UHRF2: variants seen among roughly 807,000 people sequenced by gnomAD.
The protein encoded by UHRF2 is E3 ubiquitin-protein ligase UHRF2.
Under a neutral mutation model 96.8 loss-of-function variants are expected in UHRF2, and 23 were observed. The observed-to-expected ratio is 0.24, with a 90% confidence interval of 0.17 to 0.34. The LOEUF is 0.34. Ranked by LOEUF, UHRF2 falls within the 10% of genes least tolerant of loss-of-function variation. The probability of loss-of-function intolerance (pLI) is 1.00; values close to 1 mark genes in which losing one functional copy is unlikely to be tolerated. For missense variants in UHRF2, 685 were observed against 981.5 expected (o/e 0.70, Z 4.04); for synonymous variants, 385 against 332.6 (o/e 1.16, Z -1.72).
At chr9:6,479,099 A>T (rs1184973594) in intron 6 of UHRF2, among the ~76,000 whole-genome samples, 1 of 152,078 alleles carries the variant, frequency 6.6e-6, no homozygotes, top group East Asian at 1.9e-4. Context: ...GAATTTTCAA[A>T]ATACACACAA....
At position 6,487,177 on chromosome 9, in the gene UHRF2, T is replaced by TA. The variant is rs371548870; in HGVS notation, c.1497+252_1497+253insA. ...CATTCTCTATAGAGCTTTTATTTTT[T>TA]TTTCCTTTTTTTTTTTTTTTTTTTT... On this transcript the variant is annotated intron_variant, in intron 9 of 15. Coordinates refer to ENST00000276893, the MANE Select transcript of UHRF2 (RefSeq NM_152896.3). Among the ~76,000 whole-genome samples, 255 of 144,450 alleles carry TA rather than the reference T, an allele frequency of 1.8e-3. 1 individual carries two copies. Among genetic ancestry groups the TA allele is most frequent in the African/African-American group, 6.4e-3 (242 of 37,844 alleles). 94.8% of individuals were successfully genotyped at this position (144,450 alleles called of 152,430 possible).
intron 3 of UHRF2, among the ~76,000 whole-genome samples, chr9:6,439,598 T>G (rs1821041880): frequency 6.6e-6 from 1 of 152,244 alleles, no homozygotes; most frequent in East Asian, 1.9e-4. Flanking sequence ...TAAGTTTTTT[T>G]TCTGGATTGC....
At chr9:6,495,060 A>G (rs1030539796) in intron 10 of UHRF2, 1 of 152,210 alleles carries the variant, frequency 6.6e-6, no homozygotes, top group Admixed American at 6.5e-5. Context: ...GTTTTTGTCA[A>G]TGAAAATGTA....
chr9:6,478,420 A>G (rs1823718447), intron 6 of UHRF2, among the ~76,000 whole-genome samples: 1 of 152,178 alleles, frequency 6.6e-6, no homozygotes, highest in African/African-American at 2.4e-5. Context: ...AGTACTTAAT[A>G]TTTACTAAAC....
intron 4 of UHRF2, among the ~76,000 whole-genome samples, chr9:6,463,100 G>C (rs935682991): frequency 5.9e-5 from 9 of 152,132 alleles, no homozygotes; most frequent in African/African-American, 2.2e-4. Flanking sequence ...TGACCAACTA[G>C]TGAAACCCTG....
At chr9:6,421,694 G>A (rs111251622) in intron 2 of UHRF2, among the ~76,000 whole-genome samples, 8 of 152,120 alleles carry the variant, frequency 5.3e-5, no homozygotes, top group African/African-American at 7.2e-5. Context: ...TGGAATTACC[G>A]GGGTGAGCCA....
rs372421813 is a variant in UHRF2, at chr9:6,451,478, T to G, written c.645-9095T>G. Among the ~76,000 whole-genome samples the G allele has an allele frequency of 4.7e-5, 6 of 128,682 alleles. No individual in the cohort carries two copies. The East Asian group carries it at 8.8e-4, about 19-fold the overall frequency. 84.4% of individuals were successfully genotyped at this position (128,682 alleles called of 152,430 possible). Reference sequence around the variant, plus strand: ...CTAGTTTTTTTTTGTTTTTTTTTTTTGTTTGTTTGTTTGTTTTTGAGACGG... The same window carrying G: ...CTAGTTTTTTTTTGTTTTTTTTTTTGGTTTGTTTGTTTGTTTTTGAGACGG... On this transcript the variant is annotated intron_variant, in intron 3 of 15. Coordinates refer to ENST00000276893, the MANE Select transcript of UHRF2 (RefSeq NM_152896.3).
intron 3 of UHRF2, among the ~76,000 whole-genome samples, chr9:6,446,100 C>T (rs950596548): frequency 1.9e-4 from 28 of 150,950 alleles, no homozygotes; most frequent in African/African-American, 6.3e-4. Context: ...TCAGGTGATC[C>T]TCCTGCCTTA....
intron 13 of UHRF2, among the ~76,000 whole-genome samples, chr9:6,500,144 CT>C (rs1404970867): frequency 6.6e-6 from 1 of 151,972 alleles, no homozygotes; most frequent in Non-Finnish European, 1.5e-5. Flanking sequence ...ATTTTTGTAT[CT>C]TTTGTAAAGA....
intron 9 of UHRF2, among the ~76,000 whole-genome samples, chr9:6,487,840 C>G (rs986332399): frequency 6.6e-6 from 1 of 152,146 alleles, no homozygotes; most frequent in African/African-American, 2.4e-5. Flanking sequence ...TTTAAGTTTT[C>G]TCTTTTAAAA....
At chr9:6,474,263 A>G (rs1456892382) in intron 4 of UHRF2, among the ~76,000 whole-genome samples, 1 of 152,232 alleles carries the variant, frequency 6.6e-6, no homozygotes, top group African/African-American at 2.4e-5. Flanking sequence ...GTTTTTAAAG[A>G]AAAGGTGGAA....
chr9:6,500,450 A>C, intron 13 of UHRF2, 102 bp from the exon 14 acceptor site: 1 of 1,006,188 alleles, frequency 9.9e-7, no homozygotes, highest in African/African-American at 1.6e-5. Flanking sequence ...TATGTTGGTT[A>C]TCTTTCTGCT....
chr9:6,466,217 A>G (rs1183668480), intron 4 of UHRF2, among the ~76,000 whole-genome samples: 2 of 152,132 alleles, frequency 1.3e-5, no homozygotes, highest in Non-Finnish European at 2.9e-5. Context: ...CCTGGCCAGC[A>G]GGGTGAAACC....
At chr9:6,489,237 C>T (rs1394481685) in intron 9 of UHRF2, among the ~76,000 whole-genome samples, 2 of 152,138 alleles carry the variant, frequency 1.3e-5, no homozygotes, top group South Asian at 4.1e-4. Context: ...TGGCATGTAT[C>T]AATAGTTCAT....
At chr9:6,486,261 A>T (rs1392374145) in intron 8 of UHRF2, among the ~76,000 whole-genome samples, 1 of 152,238 alleles carries the variant, frequency 6.6e-6, no homozygotes, top group Non-Finnish European at 1.5e-5. Context: ...GTGAGCATTC[A>T]TGACTCAAAC....
chr9:6,471,517 C>T (rs369804671), intron 4 of UHRF2, among the ~76,000 whole-genome samples: 2 of 152,166 alleles, frequency 1.3e-5, no homozygotes, highest in Non-Finnish European at 2.9e-5. Context: ...ATACCAGCTT[C>T]CATTTTGGGT....
chr9:6,435,800 G>A (rs1354695101), intron 3 of UHRF2, among the ~76,000 whole-genome samples: 1 of 151,946 alleles, frequency 6.6e-6, no homozygotes, highest in South Asian at 2.1e-4. Flanking sequence ...GTAGAGACAG[G>A]GTTTCACTAT....
chr9:6,435,954 T>G (rs1820823823), intron 3 of UHRF2, among the ~76,000 whole-genome samples: 1 of 152,306 alleles, frequency 6.6e-6, no homozygotes, highest in African/African-American at 2.4e-5. Flanking sequence ...ATTAAGAACT[T>G]GTCTTGAGGG....
intron 6 of UHRF2, among the ~76,000 whole-genome samples, chr9:6,480,050 C>A (rs1383532630): frequency 2.0e-5 from 3 of 152,178 alleles, no homozygotes; most frequent in Non-Finnish European, 4.4e-5. Context: ...TAAGCCCTTA[C>A]CATTTATGAC....
Sources: gnomAD v4.1 joint callset for allele counts (sites outside exome capture counted in the v4.1 genomes callset) on GRCh38, gnomAD v4.1.1 for gene constraint, MANE v1.5 for transcripts, NCBI Gene and HGNC (gene_info 2026-07-23, HGNC 2026-07-21) for gene names.